Variants in CCNJL observed in about 807,000 individuals in gnomAD.
CCNJL encodes cyclin-J-like protein.
CCNJL carries 33 observed loss-of-function variants against 33.4 expected under a neutral mutation model. That is an observed-to-expected ratio of 0.99 (90% CI 0.75 to 1.32). The LOEUF (loss-of-function observed/expected upper bound fraction) is 1.32. Among genes scored for constraint, CCNJL ranks in the 40% most tolerant of loss-of-function variants. The pLI, the probability that CCNJL is intolerant of heterozygous loss-of-function variation, is 0.00. For missense variants in CCNJL, 512 were observed against 499.7 expected (o/e 1.02, Z -0.23); for synonymous variants, 227 against 220.9 (o/e 1.03, Z -0.24).
intron 1 of CCNJL, among the ~76,000 whole-genome samples, chr5:160,337,150 C>T (rs985189714): frequency 6.7e-6 from 1 of 150,146 alleles, no homozygotes; most frequent in Non-Finnish European, 1.5e-5. Context: ...GCTACAGGCA[C>T]GTACCACCAT....
chr5:160,258,725 T>A (rs1761185726), intron 4 of CCNJL: 1 of 689,630 alleles, frequency 1.5e-6, no homozygotes, highest in Non-Finnish European at 2.7e-6. Context: ...AAAGACAGAG[T>A]CTCGCTCTGT....
chr5:160,317,259 A>G (rs559727020), upstream of CCNJL, among the ~76,000 whole-genome samples: 6 of 152,346 alleles, frequency 3.9e-5, no homozygotes, highest in Admixed American at 2.6e-4. Context: ...CAAGGCAGGA[A>G]GAATAAAAAA....
At chr5:160,316,065 G>A (rs144511039), upstream of CCNJL, among the ~76,000 whole-genome samples, 1 of 152,240 alleles carries the variant, frequency 6.6e-6, no homozygotes, top group East Asian at 1.9e-4. Flanking sequence ...ACACCCCTTT[G>A]TGTATCATTC....
intron 1 of CCNJL, among the ~76,000 whole-genome samples, chr5:160,328,881 A>G (rs1763572196): frequency 6.7e-6 from 1 of 150,324 alleles, no homozygotes; most frequent in South Asian, 2.1e-4. Flanking sequence ...CTCTGTCTCA[A>G]AAAAAAAAAG....
At chr5:160,303,875 AAAG>A (rs376504806) in intron 2 of CCNJL, among the ~76,000 whole-genome samples, 35 of 152,310 alleles carry the variant, frequency 2.3e-4, no homozygotes, top group East Asian at 9.6e-4. Context: ...TTAGGAAGAC[AAAG>A]AAGAAGTCAA....
At chr5:160,274,189 T>C (rs971476437) in intron 3 of CCNJL, among the ~76,000 whole-genome samples, 1 of 152,040 alleles carries the variant, frequency 6.6e-6, no homozygotes, top group African/African-American at 2.4e-5. Context: ...CCAGGTGTGG[T>C]GGCTCACGTT....
chr5:160,336,014 A>G (rs115226566), intron 1 of CCNJL, among the ~76,000 whole-genome samples: 1,890 of 152,096 alleles, frequency 0.012, 42 homozygotes, highest in African/African-American at 0.043. Context: ...GTGTCCCAGG[A>G]CTCAGTCTTC....
rs770305386 is a variant in CCNJL, at chr5:160,253,850, CTG to C, written c.744-54_744-53del. The C allele has an allele frequency of 4.4e-6, 6 of 1,371,118 alleles. No homozygotes were observed. The South Asian group carries it at 5.7e-5, about 13-fold the overall frequency. The allele number at this position is 1,371,118 out of a possible 1,614,324, so 84.9% of individuals were successfully genotyped here. A position where few individuals can be genotyped will look rare whatever the true frequency, so the allele number is the denominator to read the frequency against. On this transcript the variant is annotated intron_variant, in intron 5 of 5. Coordinates refer to ENST00000257536, the MANE Select transcript of CCNJL (RefSeq NM_001308173.3). ...CTGGAGGCCAAAAGCCACCAGATGCCTGTGTGTGTCTCTACCTGTCTTGCTAA... is the reference window on the plus strand; with the variant it reads ...CTGGAGGCCAAAAGCCACCAGATGCCTGTGTGTCTCTACCTGTCTTGCTAA...
chr5:160,255,571 T>TGC lies in CCNJL; in HGVS notation c.719_720dup (p.Thr241AlafsTer9), dbSNP rs771625589. 3.1e-6 allele frequency: 5 copies of TGC among 1,614,140 alleles called. No homozygotes were observed. The highest frequency in any genetic ancestry group is 4.2e-6 in the Non-Finnish European group (5 of 1,179,984). ...TACACCAGCAGGATTTCAATACACG[T>TGC]GCTGAGGTGCTCCAGGGAATAGCTT... On this transcript the variant is annotated frameshift_variant, in exon 5 of 6. Transcript: ENST00000257536. LOFTEE classifies it high-confidence loss of function.
At chr5:160,289,823 T>TTGGTA (rs538295910) in intron 2 of CCNJL, among the ~76,000 whole-genome samples, 54 of 152,302 alleles carry the variant, frequency 3.5e-4, no homozygotes, top group African/African-American at 1.3e-3. Flanking sequence ...GGTGCTGACC[T>TTGGTA]TGGCAGAGTG....
intron 2 of CCNJL, among the ~76,000 whole-genome samples, chr5:160,302,816 A>T (rs949364698): frequency 2.1e-4 from 18 of 85,492 alleles, no homozygotes; most frequent in Non-Finnish European, 3.9e-4. Flanking sequence ...TGTCTCAATA[A>T]AAAAAAAAAA....
chr5:160,331,068 C>T lies in CCNJL; in HGVS notation n.206+8377G>A, dbSNP rs145517210. On this transcript the variant is annotated intron_variant and non_coding_transcript_variant, in intron 1 of 7. Transcript: ENST00000377503. ...GTCTTCCATCTCACCTCAGCTGTTC[C>T]TTGTGATGGTCTTGCACCATCCATG... 4.0e-3 allele frequency among the ~76,000 whole-genome samples: 616 copies of T among 152,256 alleles called. 2 individuals carry two copies. Among genetic ancestry groups the T allele is most frequent in the African/African-American group, 0.014 (576 of 41,568 alleles).
At chr5:160,326,376 G>A (rs1763535687) in intron 1 of CCNJL, among the ~76,000 whole-genome samples, 1 of 150,746 alleles carries the variant, frequency 6.6e-6, no homozygotes, top group African/African-American at 2.4e-5. Context: ...TTGGGTGGCT[G>A]AGGCAGGACA....
intron 3 of CCNJL, 77 bp from the exon 4 acceptor site, chr5:160,259,848 G>A: frequency 8.2e-7 from 1 of 1,219,552 alleles, no homozygotes; most frequent in Middle Eastern, 2.0e-4. Flanking sequence ...CCACCTTACA[G>A]TGCCTGGACA....
At chr5:160,316,718 T>A (rs1763385184), upstream of CCNJL, among the ~76,000 whole-genome samples, 1 of 152,246 alleles carries the variant, frequency 6.6e-6, no homozygotes, top group Admixed American at 6.5e-5. Flanking sequence ...ACTCTACACA[T>A]CCTTGTGTGC....
Position 160,251,001 on chromosome 5 carries a change from G to T in CCNJL, c.*2377C>A, listed in dbSNP as rs189683114. 17 of 152,334 alleles carry T rather than the reference G, an allele frequency of 1.1e-4. No individual in the cohort carries two copies. The highest frequency in any genetic ancestry group is 2.2e-4 in the Non-Finnish European group (15 of 68,030). 9.4% of individuals were successfully genotyped at this position (152,334 alleles called of 1,614,324 possible). On this transcript the variant is annotated 3_prime_UTR_variant, in exon 6 of 6. Transcript: ENST00000257536. ...CCTTCCAACAGCTGGTAAGTGGTGT[G>T]ATCATTAAGTTTATGTGGCAGCTTG...
rs1017550552 is a variant in CCNJL at position 160,329,999 on chromosome 5, C to T, written n.206+9446G>A. Reference sequence around the variant, plus strand: ...GCCTCTTTCCAACACAGACTCATCACCATGACCTGCCTTGAGACCACAGTG... The same window carrying T: ...GCCTCTTTCCAACACAGACTCATCATCATGACCTGCCTTGAGACCACAGTG... On this transcript the variant is annotated intron_variant and non_coding_transcript_variant, in intron 1 of 7. Coordinates refer to the CCNJL transcript ENST00000377503. 8.5e-5 allele frequency among the ~76,000 whole-genome samples: 13 copies of T among 152,284 alleles called. No individual in the cohort carries two copies. The South Asian group carries it at 2.5e-3, about 29-fold the overall frequency.
intron 1 of CCNJL, among the ~76,000 whole-genome samples, chr5:160,321,532 G>A (rs748764676): frequency 6.6e-5 from 10 of 152,224 alleles, no homozygotes; most frequent in Non-Finnish European, 1.2e-4. Context: ...GGTCGCAGCC[G>A]CTCAGCTGAG....
At chr5:160,300,577 T>C (rs1313620996) in intron 2 of CCNJL, among the ~76,000 whole-genome samples, 1 of 152,272 alleles carries the variant, frequency 6.6e-6, no homozygotes, top group Non-Finnish European at 1.5e-5. Context: ...TTAGTGTTAG[T>C]GTATTCTATG....
Sources: gnomAD v4.1 joint callset for allele counts (sites outside exome capture counted in the v4.1 genomes callset) on GRCh38, gnomAD v4.1.1 for gene constraint, MANE v1.5 for transcripts, NCBI Gene and HGNC (gene_info 2026-07-23, HGNC 2026-07-21) for gene names.